PGR: variants seen among roughly 807,000 people sequenced by gnomAD.
The protein encoded by PGR is progesterone receptor, also known as nuclear receptor subfamily 3 group C member 3.
Under a neutral mutation model 76.1 loss-of-function variants are expected in PGR, and 25 were observed. That is an observed-to-expected ratio of 0.33 (90% CI 0.24 to 0.46). PGR has a LOEUF of 0.46. PGR is among the 20% of genes least tolerant of loss of function. The probability of loss-of-function intolerance (pLI) is 1.00; values close to 1 mark genes in which losing one functional copy is unlikely to be tolerated. For missense variants in PGR, 1,172 were observed against 1,225.3 expected, an observed-to-expected ratio of 0.96 and a Z score of 0.65; for synonymous variants, 579 against 535.0, an observed-to-expected ratio of 1.08 and a Z score of -1.14.
chr11:101,112,703 A>T (rs2135488753), intron 2 of PGR, among the ~76,000 whole-genome samples: 1 of 152,268 alleles, frequency 6.6e-6, no homozygotes, highest in East Asian at 1.9e-4. Context: ...TTTCAATTCC[A>T]CATACCAGTT....
intron 3 of PGR, among the ~76,000 whole-genome samples, chr11:101,089,834 A>C (rs960171666): frequency 7.2e-5 from 11 of 152,144 alleles, no homozygotes; most frequent in African/African-American, 2.7e-4. Flanking sequence ...ATGGCTTGGG[A>C]AGCATAGGAA....
At chr11:101,083,771 A>C (rs1000590698) in intron 3 of PGR, among the ~76,000 whole-genome samples, 1 of 152,074 alleles carries the variant, frequency 6.6e-6, no homozygotes, top group Non-Finnish European at 1.5e-5. Context: ...CCCCTATTGT[A>C]TCTTGGAAGT....
intron 2 of PGR, among the ~76,000 whole-genome samples, chr11:101,098,499 G>A (rs555668591): frequency 6.6e-6 from 1 of 152,298 alleles, no homozygotes; most frequent in Admixed American, 6.5e-5. Flanking sequence ...TGGTCCATAT[G>A]AGGGCAATCT....
intron 2 of PGR, among the ~76,000 whole-genome samples, chr11:101,101,761 T>A (rs1862003705): frequency 6.6e-6 from 1 of 152,262 alleles, no homozygotes; most frequent in African/African-American, 2.4e-5. Flanking sequence ...TTCTTGTCAT[T>A]AAATTTTTTG....
In PGR at chr11:101,087,501, T is replaced by C. The variant is rs1321115000; in HGVS notation, c.1906+4259A>G. Among the ~76,000 whole-genome samples the C allele has an allele frequency of 2.0e-5, 3 of 152,150 alleles. No homozygotes were observed. The East Asian group carries it at 5.8e-4, about 29-fold the overall frequency. ...ATCCTAAAAGAAAATCTAGGAAATA[T>C]GATTCTGGATATCAGCCTTGGGAAA... On this transcript the variant is annotated intron_variant, in intron 3 of 7. Coordinates refer to ENST00000325455, the MANE Select transcript of PGR (RefSeq NM_000926.4).
intron 3 of PGR, among the ~76,000 whole-genome samples, chr11:101,078,955 T>G (rs1277061046): frequency 6.6e-6 from 1 of 152,104 alleles, no homozygotes; most frequent in Non-Finnish European, 1.5e-5. Context: ...TGGAACAGAA[T>G]AGAGAACCCA....
At chr11:101,051,603 A>G in intron 4 of PGR, 35 bp from the exon 5 acceptor site, 1 of 1,477,822 alleles carries the variant, frequency 6.8e-7, no homozygotes, top group Non-Finnish European at 9.5e-7. Context: ...GTGACCATAA[A>G]AATGACTGAA....
chr11:101,062,419 A>G (rs754410009), intron 4 of PGR, 28 bp downstream of exon 4: 1 of 1,514,006 alleles, frequency 6.6e-7, no homozygotes, highest in South Asian at 1.1e-5. Context: ...ATTTTTTATT[A>G]CATGCTGTAT....
chr11:101,066,079 G>A (rs112612351), intron 3 of PGR, among the ~76,000 whole-genome samples: 11 of 152,180 alleles, frequency 7.2e-5, no homozygotes, highest in African/African-American at 2.6e-4. Context: ...TTGCCCTCTT[G>A]TCTGCATCCT....
At chr11:101,058,097 G>A (rs1860357093) in intron 4 of PGR, among the ~76,000 whole-genome samples, 1 of 152,120 alleles carries the variant, frequency 6.6e-6, no homozygotes, top group Admixed American at 6.5e-5. Flanking sequence ...ATATCTACCT[G>A]GAAGGGAAGT....
chr11:101,093,797 A>G (rs1178773945), intron 2 of PGR, among the ~76,000 whole-genome samples: 3 of 152,232 alleles, frequency 2.0e-5, no homozygotes, highest in Non-Finnish European at 2.9e-5. Context: ...CGAGAAATAG[A>G]GCACGCAGAT....
chr11:101,044,904 A>G (rs977453107), intron 6 of PGR, among the ~76,000 whole-genome samples: 12 of 151,880 alleles, frequency 7.9e-5, no homozygotes, highest in African/African-American at 2.4e-4. Context: ...ATGGGGTTTC[A>G]CTATATTGGC....
rs766277966 is a variant in PGR, at chr11:101,062,749, C to T, written c.1910G>A (p.Arg637Gln). ...CCQAGMVLGG[R>Q]KFKKFNKVRV... is the part of the protein sequence containing the mutation. ...GACTTTATTGAACTTTTTAAATTTTCGACCTACAGAGAAGAAAAAAAAGAA... is the reference window on the plus strand; with the variant it reads ...GACTTTATTGAACTTTTTAAATTTTTGACCTACAGAGAAGAAAAAAAAGAA... Residue 637 changes from arginine (R) to glutamine (Q), a missense_variant, in exon 4 of 8, where the codon CGA (arginine) becomes CAA (glutamine). This residue lies in a region of PGR where 73 missense variants were observed against 60.7 expected (regional missense o/e 1.20). Transcript: ENST00000325455. 13 of 1,608,766 alleles carry T rather than the reference C, an allele frequency of 8.1e-6. No individual in the cohort carries two copies. The highest frequency in any genetic ancestry group is 1.7e-4 in the Middle Eastern group (1 of 6,052).
intron 2 of PGR, among the ~76,000 whole-genome samples, chr11:101,104,890 C>T (rs1244651243): frequency 6.6e-6 from 1 of 152,016 alleles, no homozygotes; most frequent in Non-Finnish European, 1.5e-5. Flanking sequence ...AACAACTTGA[C>T]AACACTGTAG....
In PGR at chr11:101,032,121, C is replaced by G. The variant is rs1355167582; in HGVS notation, c.*6995G>C. 2.1e-5 allele frequency: 5 copies of G among 232,784 alleles called. No individual in the cohort carries two copies. In the Admixed American group the frequency reaches 2.3e-4, roughly 10 times the overall value. The allele number at this position is 232,784 out of a possible 1,614,324, so 14.4% of individuals were successfully genotyped here. On this transcript the variant is annotated 3_prime_UTR_variant, in exon 8 of 8. Coordinates refer to ENST00000325455, the MANE Select transcript of PGR (RefSeq NM_000926.4). ...ACACATAAGCAAAATAATTAGACAT[C>G]TGGCCTTGTGTTTGACAATTTATAT...
intron 6 of PGR, among the ~76,000 whole-genome samples, chr11:101,043,898 C>T (rs571502205): frequency 1.5e-3 from 222 of 152,286 alleles, no homozygotes; most frequent in Non-Finnish European, 2.7e-3. Flanking sequence ...TTGTTCCATT[C>T]ATAAACCACA....
chr11:101,059,770 G>A (rs555173876), intron 4 of PGR, among the ~76,000 whole-genome samples: 1 of 148,086 alleles, frequency 6.8e-6, no homozygotes, highest in South Asian at 2.1e-4. Context: ...TTGAGACCAA[G>A]AGGTCCAGGC....
intron 2 of PGR, among the ~76,000 whole-genome samples, chr11:101,116,370 G>A (rs146511928): frequency 9.8e-5 from 15 of 152,352 alleles, no homozygotes; most frequent in Non-Finnish European, 1.8e-4. Flanking sequence ...GGCTAGCTGA[G>A]ACTAGGCGGG....
chr11:101,071,848 T>TTACCTGAAAGTGTAACCTGAAAG (rs759038267), intron 3 of PGR, among the ~76,000 whole-genome samples: 14 of 152,190 alleles, frequency 9.2e-5, no homozygotes, highest in Non-Finnish European at 1.6e-4. Flanking sequence ...AAACTTACGT[T>TTACCTGAAAGTGTAACCTGAAAG]TGATTGGTGT....
Sources: allele counts gnomAD v4.1 joint callset (sites outside exome capture counted in the v4.1 genomes callset), GRCh38; gene constraint gnomAD v4.1.1; regional missense constraint gnomAD v4.1.1; transcripts MANE v1.5; gene names NCBI Gene and HGNC (gene_info 2026-07-23, HGNC 2026-07-21).